RNLS: variants seen among roughly 807,000 people sequenced by gnomAD.
RNLS encodes renalase.
In RNLS, 39 loss-of-function variants were observed where a neutral mutation model predicts 39.8. The observed-to-expected ratio is 0.98, with a 90% CI of 0.76 to 1.28. The LOEUF (loss-of-function observed/expected upper bound fraction) is 1.28, where lower values mean the gene tolerates loss of function less well. Among genes scored for constraint, RNLS ranks in the 50% most tolerant of loss-of-function variants. The pLI, the probability that RNLS is intolerant of heterozygous loss-of-function variation, is 0.00. For synonymous variants in RNLS, 147 were observed against 150.7 expected, an observed-to-expected ratio of 0.98 and a Z score of 0.18; for missense variants, 410 against 413.3, an observed-to-expected ratio of 0.99 and a Z score of 0.07.
In RNLS at chr10:88,582,290, C is replaced by A. The variant is rs557592363; in HGVS notation, c.136G>T (p.Ala46Ser). 1 of 1,613,650 alleles carries A rather than the reference C, an allele frequency of 6.2e-7. No homozygotes were observed. The highest frequency in any genetic ancestry group is 1.3e-5 in the African/African-American group (1 of 75,036). ...AEDSGGRMTT[A>S]CSPHNPQCTA... ...CACTGAGGATTATGAGGACTGCAGG[C>A]TGTAGTCATTCTTCCCCCTTGAATT... Residue 46 changes from alanine (A) to serine (S), a missense_variant, in exon 2 of 7, where the codon GCC becomes TCC. Ala to Ser is a moderately conservative substitution (Grantham distance 99). Coordinates refer to ENST00000331772, the MANE Select transcript of RNLS (RefSeq NM_001031709.3).
chr10:88,278,278 T>C (rs1048789152), intron 6 of RNLS, among the ~76,000 whole-genome samples: 2 of 152,140 alleles, frequency 1.3e-5, no homozygotes, highest in Non-Finnish European at 2.9e-5. Flanking sequence ...TCTGACAGTC[T>C]TTTGGTTCAC....
the RNLS span, among the ~76,000 whole-genome samples, chr10:88,194,001 T>C: frequency 1.3e-5 from 2 of 152,222 alleles, no homozygotes; most frequent in Non-Finnish European, 2.9e-5. Context: ...GTGATTTTTC[T>C]TATTTTTCTA....
At chr10:88,290,699 G>A (rs1024268018) in intron 6 of RNLS, among the ~76,000 whole-genome samples, 1 of 152,220 alleles carries the variant, frequency 6.6e-6, no homozygotes, top group Non-Finnish European at 1.5e-5. Context: ...CTCGCATTTA[G>A]AGATGGACTT....
intron 4 of RNLS, among the ~76,000 whole-genome samples, chr10:88,566,513 T>C (rs934678594): frequency 1.3e-5 from 2 of 151,708 alleles, no homozygotes; most frequent in African/African-American, 2.4e-5. Context: ...TGATGAAAAA[T>C]ACATATCAGA....
the RNLS span, among the ~76,000 whole-genome samples, chr10:88,258,710 G>C: frequency 2.0e-5 from 3 of 152,142 alleles, no homozygotes; most frequent in Non-Finnish European, 2.9e-5. Flanking sequence ...GGCAGTAGTT[G>C]GGAATAAACC....
At chr10:88,220,651 G>C in the RNLS span, among the ~76,000 whole-genome samples, 4 of 152,160 alleles carry the variant, frequency 2.6e-5, no homozygotes, top group South Asian at 4.1e-4. Flanking sequence ...AAGGACTCCA[G>C]TGCATTTGTA....
chr10:88,457,874 G>A (rs1182144093), intron 4 of RNLS, among the ~76,000 whole-genome samples: 1 of 152,194 alleles, frequency 6.6e-6, no homozygotes, highest in Non-Finnish European at 1.5e-5. Flanking sequence ...GTCACAGACA[G>A]CAGGCAGCAC....
the RNLS span, among the ~76,000 whole-genome samples, chr10:88,219,276 G>T: frequency 6.6e-6 from 1 of 152,254 alleles, no homozygotes; most frequent in South Asian, 2.1e-4. Context: ...CCTCATCATT[G>T]CTATTTCCAA....
At chr10:88,387,526 G>T (rs200935730) in intron 4 of RNLS, among the ~76,000 whole-genome samples, 1 of 131,712 alleles carries the variant, frequency 7.6e-6, no homozygotes, top group Non-Finnish European at 1.6e-5. Context: ...AAAAAAAAAG[G>T]AAGATTATTT....
At chr10:88,404,319 G>A (rs1238535454) in intron 4 of RNLS, among the ~76,000 whole-genome samples, 2 of 152,004 alleles carry the variant, frequency 1.3e-5, no homozygotes, top group African/African-American at 4.8e-5. Flanking sequence ...GAATCTTTGT[G>A]ACCTGGGACA....
chr10:88,373,365 C>A (rs1258534818), intron 4 of RNLS, among the ~76,000 whole-genome samples: 2 of 152,084 alleles, frequency 1.3e-5, no homozygotes, highest in African/African-American at 2.4e-5. Flanking sequence ...TTGTACTTTG[C>A]AGATCCACTA....
chr10:88,489,359 C>G (rs1400989005), intron 4 of RNLS, among the ~76,000 whole-genome samples: 2 of 152,144 alleles, frequency 1.3e-5, no homozygotes, highest in African/African-American at 4.8e-5. Flanking sequence ...AAAATCAATC[C>G]TCCAGTACAC....
intron 4 of RNLS, among the ~76,000 whole-genome samples, chr10:88,514,914 G>T (rs1165158401): frequency 6.6e-6 from 1 of 152,080 alleles, no homozygotes; most frequent in Non-Finnish European, 1.5e-5. Flanking sequence ...GGATTGGATT[G>T]CTAGATCATA....
chr10:88,483,780 C>G (rs1402862582), intron 4 of RNLS, among the ~76,000 whole-genome samples: 1 of 151,908 alleles, frequency 6.6e-6, no homozygotes, highest in Admixed American at 6.6e-5. Flanking sequence ...ATTAAAAAAA[C>G]CCTTCATATT....
At chr10:88,308,524 T>TG (rs1163195035) in intron 6 of RNLS, among the ~76,000 whole-genome samples, 1 of 151,366 alleles carries the variant, frequency 6.6e-6, no homozygotes, top group African/African-American at 2.4e-5. Flanking sequence ...AAAATTCAGA[T>TG]GAAAAAAAAG....
At chr10:88,394,275 A>C (rs974343844) in intron 4 of RNLS, among the ~76,000 whole-genome samples, 1 of 152,202 alleles carries the variant, frequency 6.6e-6, no homozygotes, top group Admixed American at 6.5e-5. Context: ...CATGGGAGAA[A>C]ATTTTTGCCA....
chr10:88,533,600 A>C (rs949204874), intron 4 of RNLS, among the ~76,000 whole-genome samples: 2 of 152,118 alleles, frequency 1.3e-5, no homozygotes, highest in Admixed American at 6.6e-5. Context: ...ATAGTACTTT[A>C]GTTTCAGTTG....
At chr10:88,254,354 T>C in the RNLS span, among the ~76,000 whole-genome samples, 1 of 152,188 alleles carries the variant, frequency 6.6e-6, no homozygotes, top group Non-Finnish European at 1.5e-5. Flanking sequence ...CCCCAAACTA[T>C]GAAATTAAGG....
At chr10:88,349,404 G>C (rs1848522837) in intron 5 of RNLS, among the ~76,000 whole-genome samples, 1 of 152,052 alleles carries the variant, frequency 6.6e-6, no homozygotes. Context: ...TTTTTACTTT[G>C]TGTGCAAATG....
Sources: allele counts gnomAD v4.1 joint callset (sites outside exome capture counted in the v4.1 genomes callset), GRCh38; gene constraint gnomAD v4.1.1; transcripts MANE v1.5; gene names NCBI Gene and HGNC (gene_info 2026-07-23, HGNC 2026-07-21).